MEGF11: variants seen among roughly 807,000 people sequenced by gnomAD.
MEGF11 encodes the protein multiple EGF like domains 11.
MEGF11 carries 126 observed loss-of-function variants against 146.6 expected under a neutral mutation model. The observed-to-expected ratio is 0.86, with a 90% confidence interval of 0.74 to 1.00. MEGF11 has a LOEUF of 1.00. Among genes scored for constraint, MEGF11 ranks in the 50% least tolerant of loss-of-function variants. The probability of loss-of-function intolerance (pLI) is 0.00; values close to 1 mark genes in which losing one functional copy is unlikely to be tolerated. For synonymous variants in MEGF11, 532 were observed against 583.4 expected, an observed-to-expected ratio of 0.91 and a Z score of 1.27; for missense variants, 1,509 against 1,521.2, an observed-to-expected ratio of 0.99 and a Z score of 0.13.
At chr15:65,980,666 TG>T (rs2081604961) in intron 7 of MEGF11, 111 bp downstream of exon 7, 2 of 1,386,856 alleles carry the variant, frequency 1.4e-6, no homozygotes, top group Non-Finnish European at 9.5e-7. Flanking sequence ...CCCAAAGTGC[TG>T]GGATTACAGT....
intron 1 of MEGF11, among the ~76,000 whole-genome samples, chr15:66,136,043 C>G (rs2088872411): frequency 6.6e-6 from 1 of 152,180 alleles, no homozygotes. Context: ...AGGTTTGCGC[C>G]ATCTCCCAGC....
At chr15:66,212,213 G>A (rs10152285) in intron 1 of MEGF11, among the ~76,000 whole-genome samples, 3 of 152,060 alleles carry the variant, frequency 2.0e-5, no homozygotes, top group South Asian at 4.1e-4. Flanking sequence ...AACAAGGGAC[G>A]GGTGTCAGGG....
chr15:65,991,556 G>A (rs2082044255), intron 5 of MEGF11, among the ~76,000 whole-genome samples: 1 of 152,194 alleles, frequency 6.6e-6, no homozygotes, highest in Non-Finnish European at 1.5e-5. Flanking sequence ...GATGCCAGTA[G>A]TACCTCCCCG....
At chr15:66,005,754 G>A (rs941384317) in intron 5 of MEGF11, among the ~76,000 whole-genome samples, 5 of 152,198 alleles carry the variant, frequency 3.3e-5, no homozygotes, top group African/African-American at 9.7e-5. Context: ...CAGTGTCATC[G>A]TGTCCAGGAA....
chr15:65,926,909 C>T (rs75680706), intron 13 of MEGF11, among the ~76,000 whole-genome samples: 1,968 of 152,208 alleles, frequency 0.013, 51 homozygotes, highest in African/African-American at 0.04. Context: ...TCTTTACTGA[C>T]GGGCAGGAGC....
intron 1 of MEGF11, among the ~76,000 whole-genome samples, chr15:66,210,409 C>T (rs2091414441): frequency 6.6e-6 from 1 of 152,116 alleles, no homozygotes; most frequent in Non-Finnish European, 1.5e-5. Context: ...CCCAGCCTTG[C>T]CTGGGAATGA....
chr15:65,974,199 G>A (rs1261152200), intron 7 of MEGF11, among the ~76,000 whole-genome samples: 1 of 152,052 alleles, frequency 6.6e-6, no homozygotes, highest in Non-Finnish European at 1.5e-5. Context: ...CAGTTTACTT[G>A]TAATGAGTTA....
chr15:65,965,611 T>C (rs2081056294), intron 8 of MEGF11, among the ~76,000 whole-genome samples: 1 of 60,456 alleles, frequency 1.7e-5, no homozygotes, highest in African/African-American at 5.8e-5. Flanking sequence ...TTTTTTTTTT[T>C]TCTTTTTTTT....
intron 4 of MEGF11, among the ~76,000 whole-genome samples, chr15:66,115,559 C>T (rs7167001): frequency 0.16 from 24,729 of 151,960 alleles, 2,352 homozygotes; most frequent in East Asian, 0.33. Context: ...AGCTGCAGCA[C>T]CTGAGACACG....
At position 65,916,966 on chromosome 15, in the gene MEGF11, C is replaced by T. The variant is rs777990031; in HGVS notation, c.2087-10G>A. ...AACCCGGGTGGGCAAGCTGGGATGT[C>T]GGTGAAATGCAGAGGGTGAGGGGAA... On this transcript the variant is annotated splice_polypyrimidine_tract_variant and intron_variant, in intron 16 of 25. Transcript: ENST00000395614. 26 of 1,494,762 alleles carry T rather than the reference C, an allele frequency of 1.7e-5. No individual in the cohort carries two copies. The highest frequency in any genetic ancestry group is 2.8e-5 in the African/African-American group (2 of 71,320). The allele number at this position is 1,494,762 out of a possible 1,614,324, so 92.6% of individuals were successfully genotyped here. A position where few individuals can be genotyped will look rare whatever the true frequency, so the allele number is the denominator to read the frequency against.
chr15:66,054,011 C>T (rs2084571455), intron 5 of MEGF11, among the ~76,000 whole-genome samples: 1 of 152,054 alleles, frequency 6.6e-6, no homozygotes. Flanking sequence ...ATTTGAGCCA[C>T]CATGCCCGGC....
intron 5 of MEGF11, among the ~76,000 whole-genome samples, chr15:66,061,586 G>C (rs897974267): frequency 1.3e-5 from 2 of 151,642 alleles, no homozygotes; most frequent in African/African-American, 2.4e-5. Context: ...CGTCTGGCTG[G>C]TGATTAGGGG....
rs778468633 is a variant in MEGF11, at chr15:65,915,546, C to G, written c.2397G>C (p.Met799Ile). The change falls in exon 19 of 26, where the codon ATG (methionine) becomes ATC (isoleucine). Residue 799 changes from methionine (M) to isoleucine (I), a missense_variant. Coordinates refer to ENST00000395614, the MANE Select transcript of MEGF11 (RefSeq NM_001385028.1). The part of the protein sequence containing the change: ...GYGCQQLCEC[M>I]NNSTCDHVTG... ...TGACATGGTCACAGGTGGAGTTGTT[C>G]ATGCACTCACATAGCTGCTGACACC... 1 of 1,613,976 alleles carries G rather than the reference C, an allele frequency of 6.2e-7. No individual in the cohort carries two copies. Among genetic ancestry groups the G allele is most frequent in the South Asian group, 1.1e-5 (1 of 91,066 alleles).
chr15:66,222,833 T>A (rs940036250), intron 1 of MEGF11, among the ~76,000 whole-genome samples: 1 of 152,170 alleles, frequency 6.6e-6, no homozygotes, highest in African/African-American at 2.4e-5. Flanking sequence ...AAAACTCAGA[T>A]AATAACAAAT....
chr15:66,069,990 C>T (rs12905091), intron 5 of MEGF11, among the ~76,000 whole-genome samples: 18,913 of 152,170 alleles, frequency 0.12, 1,559 homozygotes, highest in East Asian at 0.24. Context: ...TGCTGACCAC[C>T]GCTCTAAGAA....
intron 4 of MEGF11, among the ~76,000 whole-genome samples, chr15:66,100,023 G>A (rs887383476): frequency 6.6e-6 from 1 of 152,226 alleles, no homozygotes; most frequent in African/African-American, 2.4e-5. Flanking sequence ...AATGAAAGGA[G>A]GCCCCAGTCC....
intron 5 of MEGF11, among the ~76,000 whole-genome samples, chr15:66,027,620 C>T (rs1222385733): frequency 1.3e-5 from 2 of 152,220 alleles, no homozygotes; most frequent in Non-Finnish European, 2.9e-5. Flanking sequence ...CAGAACTACC[C>T]CGAGAGTCTG....
chr15:66,192,422 A>G (rs1453169924), intron 1 of MEGF11, among the ~76,000 whole-genome samples: 3 of 151,798 alleles, frequency 2.0e-5, no homozygotes, highest in African/African-American at 7.3e-5. Context: ...GTGAGCCAAG[A>G]TCATGCCACT....
intron 1 of MEGF11, among the ~76,000 whole-genome samples, chr15:66,238,795 C>T (rs1261662562): frequency 6.6e-6 from 1 of 152,010 alleles, no homozygotes; most frequent in Non-Finnish European, 1.5e-5. Flanking sequence ...TTTTAAACTG[C>T]AACCCCACCC....
Sources: allele counts gnomAD v4.1 joint callset (sites outside exome capture counted in the v4.1 genomes callset), GRCh38; gene constraint gnomAD v4.1.1; transcripts MANE v1.5; gene names NCBI Gene and HGNC (gene_info 2026-07-23, HGNC 2026-07-21).